Variants in ZNF234 observed in about 807,000 individuals in gnomAD.
ZNF234 encodes the protein C2-H2 type zinc finger protein.
ZNF234 carries 4 observed loss-of-function variants against 10.3 expected under a neutral mutation model. The ratio of observed to expected loss-of-function variants is 0.39; its 90% confidence interval spans 0.19 to 0.89. The LOEUF (loss-of-function observed/expected upper bound fraction) is 0.89, where lower values mean the gene tolerates loss of function less well. Ranked by LOEUF, ZNF234 falls within the 40% of genes least tolerant of loss-of-function variation. The pLI, the probability that ZNF234 is intolerant of heterozygous loss-of-function variation, is 0.38. For missense variants in ZNF234, 711 were observed against 836.1 expected, an observed-to-expected ratio of 0.85 and a Z score of 1.85; for synonymous variants, 258 against 280.1, an observed-to-expected ratio of 0.92 and a Z score of 0.79.
At position 44,141,754 on chromosome 19, in the gene ZNF234, C is replaced by A. The variant is rs905352829; in HGVS notation, c.-131+21C>A. 1 of 152,498 alleles carries A rather than the reference C, an allele frequency of 6.6e-6. No individual in the cohort carries two copies. The highest frequency in any genetic ancestry group is 1.5e-5 in the Non-Finnish European group (1 of 68,106). 9.4% of individuals were successfully genotyped at this position (152,498 alleles called of 1,614,324 possible). A position where few individuals can be genotyped will look rare whatever the true frequency, so the allele number is the denominator to read the frequency against. ...CAGAGGTTTGGTGGGGCGAGGGCGG[C>A]GGCTTTTGTTGTGTCAGCGGAGCCT... On this transcript the variant is annotated intron_variant, in intron 1 of 5. Coordinates refer to ENST00000426739, the MANE Select transcript of ZNF234 (RefSeq NM_006630.3). This position sits in a 1 kb window ranked among gnomAD's most constrained non-coding sequence, Gnocchi z 4.6.
chr19:44,148,824 G>A lies in ZNF234; in HGVS notation c.69G>A (p.Gly23=), dbSNP rs368405532. The A allele has an allele frequency of 6.2e-7, 1 of 1,614,020 alleles. No homozygotes were observed. Among genetic ancestry groups the A allele is most frequent in the African/African-American group, 1.3e-5 (1 of 75,058 alleles). ...VAVVFTEEEL[G]LLDPVQRNLY... is the part of the protein sequence containing the mutation. ...TGGTCTTCACTGAGGAGGAGCTGGG[G>A]CTGCTGGACCCTGTCCAGAGGAATC... Residue 23 remains glycine (G), a synonymous_variant, in exon 4 of 6, where the codon GGG becomes GGA. Coordinates refer to ENST00000426739, the MANE Select transcript of ZNF234 (RefSeq NM_006630.3).
At chr19:44,149,526 C>T (rs755700988) in intron 4 of ZNF234, among the ~76,000 whole-genome samples, 5 of 152,066 alleles carry the variant, frequency 3.3e-5, no homozygotes, top group Admixed American at 6.6e-5. Context: ...TGAGATAACA[C>T]CTGGAGTTTT....
chr19:44,143,525 T>C (rs1968518139), intron 2 of ZNF234, among the ~76,000 whole-genome samples: 1 of 150,288 alleles, frequency 6.7e-6, no homozygotes, highest in Non-Finnish European at 1.5e-5. Context: ...AAGAGAATGG[T>C]GTTAACCCGG....
chr19:44,156,483 C>G lies in ZNF234; in HGVS notation c.467C>G (p.Ser156Cys), dbSNP rs756336015. The part of the protein sequence containing the change: ...KFYQCDEYKK[S>C]FTDVFNFDLH... The stretch of plus-strand genomic sequence containing the variant: ...TACCAATGTGATGAGTACAAAAAAT[C>G]CTTCACTGATGTCTTCAACTTTGAT... The change falls in exon 6 of 6, where the codon TCC (serine) becomes TGC (cysteine). Residue 156 changes from serine (S) to cysteine (C), a missense_variant. By Grantham distance (112) the Ser-to-Cys change is moderately radical (BLOSUM62 -1). Coordinates refer to ENST00000426739, the MANE Select transcript of ZNF234 (RefSeq NM_006630.3). The G allele has an allele frequency of 6.2e-7, 1 of 1,614,054 alleles. No homozygotes were observed. The highest frequency in any genetic ancestry group is 1.7e-5 in the Admixed American group (1 of 60,022).
chr19:44,158,112 C>T lies in ZNF234; in HGVS notation c.2096C>T (p.Thr699Ile). The change falls in exon 6 of 6, where the codon ACA becomes ATA. Residue 699 changes from threonine to isoleucine, a missense_variant. Coordinates refer to ENST00000426739, the MANE Select transcript of ZNF234 (RefSeq NM_006630.3). Reference sequence around the variant, plus strand: ...GAGTTGTCAGAGGGAGGAAGTTCTACAAGGTGATTAAAAAAAAAAAAACAG... The same window carrying T: ...GAGTTGTCAGAGGGAGGAAGTTCTATAAGGTGATTAAAAAAAAAAAAACAG... ...IRELSEGGSSTR is the reference protein window; with the variant it reads ...IRELSEGGSSIR The T allele has an allele frequency of 3.9e-6, 6 of 1,524,894 alleles. No individual in the cohort carries two copies. The highest frequency in any genetic ancestry group is 1.2e-5 in the South Asian group (1 of 84,796). 94.5% of individuals were successfully genotyped at this position (1,524,894 alleles called of 1,614,324 possible).
chr19:44,153,753 T>C (rs1219708675), intron 5 of ZNF234, among the ~76,000 whole-genome samples: 1 of 152,244 alleles, frequency 6.6e-6, no homozygotes, highest in African/African-American at 2.4e-5. Context: ...GTTCTTTTCC[T>C]ATTTCAAATA....
rs200750361 is a variant in ZNF234, at chr19:44,157,052, T to C, written c.1036T>C (p.Cys346Arg). The C allele has an allele frequency of 6.2e-7, 1 of 1,614,088 alleles. No individual in the cohort carries two copies. Among genetic ancestry groups the C allele is most frequent in the African/African-American group, 1.3e-5 (1 of 74,938 alleles). Residue 346 changes from cysteine to arginine, a missense_variant, in exon 6 of 6, where the codon TGT (cysteine) becomes CGT (arginine). Transcript: ENST00000426739. ...RVHTGEKPYKCEECGKCFIQP... is the reference protein window; with the variant it reads ...RVHTGEKPYKREECGKCFIQP... ...CCACACAGGAGAGAAACCTTACAAG[T>C]GTGAAGAATGTGGTAAGTGCTTTAT... is the stretch of plus-strand genomic sequence containing the variant.
chr19:44,144,267 G>A (rs73039641), intron 2 of ZNF234, among the ~76,000 whole-genome samples: 5,371 of 152,228 alleles, frequency 0.035, 148 homozygotes, highest in Non-Finnish European at 0.055. Flanking sequence ...ACAATCTGTG[G>A]TTTGGTGTGC....
At chr19:44,144,027 A>T (rs75446143) in intron 2 of ZNF234, among the ~76,000 whole-genome samples, 3,264 of 152,236 alleles carry the variant, frequency 0.021, 58 homozygotes, top group Non-Finnish European at 0.035. Context: ...GGTGTATTTT[A>T]TGTATCAGAA....
chr19:44,147,325 T>G (rs991434982), intron 3 of ZNF234, among the ~76,000 whole-genome samples: 2 of 151,306 alleles, frequency 1.3e-5, no homozygotes, highest in African/African-American at 4.9e-5. Flanking sequence ...CAACCTTGAT[T>G]ACCTGGGCTC....
intron 3 of ZNF234, among the ~76,000 whole-genome samples, chr19:44,147,238 G>A (rs1568549499): frequency 6.6e-6 from 1 of 151,950 alleles, no homozygotes; most frequent in Non-Finnish European, 1.5e-5. Context: ...CAGTTATTTA[G>A]TTTAATTTAT....
rs1968716666 is a variant in ZNF234 at position 44,150,580 on chromosome 19, C to CA, written c.235+76dup. 2.4e-5 allele frequency: 31 copies of CA among 1,290,956 alleles called. No homozygotes were observed. The South Asian group carries it at 4.6e-4, about 19-fold the overall frequency. The allele number at this position is 1,290,956 out of a possible 1,614,324, so 80.0% of individuals were successfully genotyped here. ...TACTTCTCTCCCCTGCTCTTGCTGCCATCGGGTCCAAATTGCCAAACCTCT... is the reference window on the plus strand; with the variant it reads ...TACTTCTCTCCCCTGCTCTTGCTGCCAATCGGGTCCAAATTGCCAAACCTCT... On this transcript the variant is annotated intron_variant, in intron 5 of 5. Coordinates refer to ENST00000426739, the MANE Select transcript of ZNF234 (RefSeq NM_006630.3).
In ZNF234 at chr19:44,157,857, A is replaced by G; in HGVS notation, c.1841A>G (p.His614Arg). 6.2e-7 allele frequency: 1 copy of G among 1,614,184 alleles called. No individual in the cohort carries two copies. The highest frequency in any genetic ancestry group is 1.1e-5 in the South Asian group (1 of 91,076). ...AGTCAGGCCTCAAGTCTCCAACTTC[A>G]TCAGAGTGTCCACACAGGAGAGAAA... ...HFSQASSLQL[H>R]QSVHTGEKPY... The change falls in exon 6 of 6, where the codon CAT becomes CGT. Residue 614 changes from histidine (H) to arginine (R), a missense_variant. Coordinates refer to ENST00000426739, the MANE Select transcript of ZNF234 (RefSeq NM_006630.3).
intron 5 of ZNF234, among the ~76,000 whole-genome samples, chr19:44,151,558 T>C (rs1057468135): frequency 1.3e-5 from 2 of 152,162 alleles, no homozygotes; most frequent in Non-Finnish European, 2.9e-5. Context: ...GATTAAATGA[T>C]AAAAATGTAT....
rs978741638 is a variant in ZNF234 at position 44,159,324 on chromosome 19, G to A, written c.*1205G>A. 3.3e-5 allele frequency: 6 copies of A among 183,644 alleles called. No homozygotes were observed. Among genetic ancestry groups the A allele is most frequent in the South Asian group, 9.2e-5 (1 of 10,908 alleles). The allele number at this position is 183,644 out of a possible 1,614,324, so 11.4% of individuals were successfully genotyped here. On this transcript the variant is annotated 3_prime_UTR_variant, in exon 6 of 6. Transcript: ENST00000426739. ...TCTGAGTAGCTGGGACCACGGGCAC[G>A]TGCCACCACACCCAGCTAATTTTTG...
Position 44,158,256 on chromosome 19 carries a change from T to C in ZNF234, c.*137T>C. The C allele has an allele frequency of 9.6e-7, 1 of 1,039,282 alleles. No individual in the cohort carries two copies. Among genetic ancestry groups the C allele is most frequent in the Non-Finnish European group, 1.5e-6 (1 of 683,678 alleles). The allele number at this position is 1,039,282 out of a possible 1,614,324, so 64.4% of individuals were successfully genotyped here. A position where few individuals can be genotyped will look rare whatever the true frequency, so the allele number is the denominator to read the frequency against. Reference sequence around the variant, plus strand: ...TCCACATTTCCACCTAGACTTTTTTTTGTTTTTTATTTTTTGTTTTGAAAC... The same window carrying C: ...TCCACATTTCCACCTAGACTTTTTTCTGTTTTTTATTTTTTGTTTTGAAAC... On this transcript the variant is annotated 3_prime_UTR_variant, in exon 6 of 6. Coordinates refer to ENST00000426739, the MANE Select transcript of ZNF234 (RefSeq NM_006630.3).
intron 3 of ZNF234, among the ~76,000 whole-genome samples, chr19:44,147,361 T>C (rs1018833176): frequency 1.3e-5 from 2 of 151,868 alleles, no homozygotes; most frequent in East Asian, 3.9e-4. Context: ...CTCAGCCTCC[T>C]GAGTACCTGG....
rs1968990004 is a variant in ZNF234, at chr19:44,159,602, C to G, written c.*1483C>G. The G allele has an allele frequency of 2.1e-6, 1 of 475,608 alleles. No homozygotes were observed. The highest frequency in any genetic ancestry group is 1.9e-5 in the African/African-American group (1 of 51,424). 29.5% of individuals were successfully genotyped at this position (475,608 alleles called of 1,614,324 possible). A position where few individuals can be genotyped will look rare whatever the true frequency, so the allele number is the denominator to read the frequency against. ...ATTAATGTTAAGGCAGGGGTTTACTCTAACACTTTTAAAGTGTCAGAAGTA... is the reference window on the plus strand; with the variant it reads ...ATTAATGTTAAGGCAGGGGTTTACTGTAACACTTTTAAAGTGTCAGAAGTA... On this transcript the variant is annotated 3_prime_UTR_variant, in exon 6 of 6. Coordinates refer to ENST00000426739, the MANE Select transcript of ZNF234 (RefSeq NM_006630.3).
At chr19:44,149,303 C>T (rs944628860) in intron 4 of ZNF234, among the ~76,000 whole-genome samples, 2 of 152,036 alleles carry the variant, frequency 1.3e-5, no homozygotes, top group African/African-American at 4.8e-5. Context: ...CAAAAATTAA[C>T]CAGGTGTGGT....
Sources: allele counts gnomAD v4.1 joint callset (sites outside exome capture counted in the v4.1 genomes callset), GRCh38; gene constraint gnomAD v4.1.1; non-coding constraint Gnocchi (gnomAD v3.1); transcripts MANE v1.5; gene names NCBI Gene and HGNC (gene_info 2026-07-23, HGNC 2026-07-21).